The following MX1 variants were observed in gnomAD, a reference collection of about 807,000 sequenced individuals.
MX1 encodes MX dynamin like GTPase 1.
MX1 carries 66 observed loss-of-function variants against 66.4 expected under a neutral mutation model. The ratio of observed to expected loss-of-function variants is 0.99; its 90% CI spans 0.82 to 1.22. The LOEUF (loss-of-function observed/expected upper bound fraction) is 1.22, where lower values mean the gene tolerates loss of function less well. Among genes scored for constraint, MX1 ranks in the 50% most tolerant of loss-of-function variants. The pLI is 0.00. For synonymous variants in MX1, 311 were observed against 318.1 expected, an observed-to-expected ratio of 0.98 and a Z score of 0.24; for missense variants, 787 against 834.3, an observed-to-expected ratio of 0.94 and a Z score of 0.70.
At chr21:41,434,824 G>C (rs745395075) in intron 5 of MX1, among the ~76,000 whole-genome samples, 1 of 152,130 alleles carries the variant, frequency 6.6e-6, no homozygotes, top group Non-Finnish European at 1.5e-5. Flanking sequence ...AATAAAGATA[G>C]CAAAGGAATA....
At position 41,441,917 on chromosome 21, in the gene MX1, G is replaced by A. The variant is rs1489629341; in HGVS notation, c.929+3G>A. ...TTTGAGAACCACCCATATTTCAGGT[G>A]CGCTTGCCTGGGTTTCATCATGGAT... On this transcript the variant is annotated splice_donor_region_variant and intron_variant, in intron 10 of 16. Transcript: ENST00000398598. The surrounding 1 kb of genome is among the most constrained non-coding windows in gnomAD (Gnocchi z 4.0). 2 of 1,614,086 alleles carry A rather than the reference G, an allele frequency of 1.2e-6. No homozygotes were observed. The highest frequency in any genetic ancestry group is 1.6e-4 in the Middle Eastern group (1 of 6,062).
intron 13 of MX1, among the ~76,000 whole-genome samples, chr21:41,446,870 A>C (rs2090677717): frequency 6.6e-6 from 1 of 152,232 alleles, no homozygotes; most frequent in Admixed American, 6.5e-5. Context: ...TACCGTGGTA[A>C]ACCTGATACG....
Position 41,445,980 on chromosome 21 carries a change from G to A in MX1, c.1132-20G>A, listed in dbSNP as rs1568987663. 1 of 1,612,950 alleles carries A rather than the reference G, an allele frequency of 6.2e-7. No individual in the cohort carries two copies. Among genetic ancestry groups the A allele is most frequent in the Admixed American group, 1.7e-5 (1 of 59,982 alleles). ...GATTTGAAGTCTATCCACTTATACT[G>A]ATGTTTTTCTTCTTGACAGAAAGTT... is the stretch of plus-strand genomic sequence containing the variant. On this transcript the variant is annotated intron_variant, in intron 12 of 16. Transcript: ENST00000398598.
chr21:41,449,484 C>T, intron 14 of MX1, 189 bp downstream of exon 14: 2 of 543,966 alleles, frequency 3.7e-6, no homozygotes, highest in South Asian at 5.2e-5. Flanking sequence ...TACCCTCAGT[C>T]AGTGTGGACC....
Position 41,443,783 on chromosome 21 carries a change from T to G in MX1, c.930-5T>G, listed in dbSNP as rs1385865257. The G allele has an allele frequency of 1.9e-6, 3 of 1,614,164 alleles. No individual in the cohort carries two copies. The highest frequency in any genetic ancestry group is 2.5e-6 in the Non-Finnish European group (3 of 1,179,994). ...GGTGGAAATCGGTCCTGTGTTCTCT[T>G]CTAGGGATCTGCTGGAGGAAGGAAA... On this transcript the variant is annotated splice_region_variant and splice_polypyrimidine_tract_variant and intron_variant, in intron 10 of 16. Transcript: ENST00000398598.
intron 3 of MX1, chr21:41,429,994 G>A (rs1175988244): frequency 6.6e-6 from 1 of 152,158 alleles, no homozygotes; most frequent in Non-Finnish European, 1.5e-5. Context: ...TAAACCCGGG[G>A]AAGGGAGACA....
chr21:41,436,689 T>C (rs2090371881), intron 6 of MX1, among the ~76,000 whole-genome samples: 1 of 152,128 alleles, frequency 6.6e-6, no homozygotes, highest in Non-Finnish European at 1.5e-5. Context: ...TAATGGAAGA[T>C]GTTCGGATGA....
At chr21:41,440,265 G>A (rs113907629) in intron 8 of MX1, among the ~76,000 whole-genome samples, 15,382 of 152,208 alleles carry the variant, frequency 0.1, 1,398 homozygotes, top group African/African-American at 0.23. Context: ...TTGGGAGGCT[G>A]AGGCAGGAGG....
chr21:41,441,143 T>A lies in MX1; in HGVS notation c.730+118T>A. On this transcript the variant is annotated intron_variant, in intron 9 of 16. Transcript: ENST00000398598. The surrounding 1 kb of genome is among the most constrained non-coding windows in gnomAD (Gnocchi z 4.0). ...AATGGGGGAGCCCGCCTGTGCTCGG[T>A]GAGAATGGGGGAGCCCGCCTGTGCT... is the stretch of plus-strand genomic sequence containing the variant. 8.3e-7 allele frequency: 1 copy of A among 1,197,984 alleles called. No homozygotes were observed. The highest frequency in any genetic ancestry group is 2.5e-5 in the East Asian group (1 of 40,348). 74.2% of individuals were successfully genotyped at this position (1,197,984 alleles called of 1,614,324 possible).
chr21:41,456,231 G>A (rs1410652460), intron 16 of MX1, among the ~76,000 whole-genome samples: 4 of 152,174 alleles, frequency 2.6e-5, no homozygotes, highest in African/African-American at 4.8e-5. Flanking sequence ...GTGACAGAGC[G>A]AGACTCCATC....
intron 7 of MX1, among the ~76,000 whole-genome samples, chr21:41,438,752 G>A (rs569323889): frequency 2.0e-5 from 3 of 152,328 alleles, no homozygotes; most frequent in South Asian, 2.1e-4. Context: ...CTGAGACAGC[G>A]GTCTAAACAA....
chr21:41,430,298 A>G (rs539740751), intron 3 of MX1, among the ~76,000 whole-genome samples: 16 of 152,302 alleles, frequency 1.1e-4, no homozygotes, highest in African/African-American at 3.6e-4. Context: ...GCATCCTTAC[A>G]TATTATTGAT....
chr21:41,446,226 C>T lies in MX1; in HGVS notation c.1273+85C>T, dbSNP rs34461132. 2.4e-3 allele frequency: 3,040 copies of T among 1,246,838 alleles called. 43 individuals carry two copies. In the African/African-American group the frequency reaches 0.034, roughly 14 times the overall value. 77.2% of individuals were successfully genotyped at this position (1,246,838 alleles called of 1,614,324 possible). Reference sequence around the variant, plus strand: ...TTATAAACAGTAGAAACTTATTGCTCATTGTTCTGGAGGTGAGAAATCTAT... The same window carrying T: ...TTATAAACAGTAGAAACTTATTGCTTATTGTTCTGGAGGTGAGAAATCTAT... On this transcript the variant is annotated intron_variant, in intron 13 of 16. Coordinates refer to ENST00000398598, the MANE Select transcript of MX1 (RefSeq NM_002462.5).
upstream of MX1, among the ~76,000 whole-genome samples, chr21:41,425,851 A>T (rs1325097107): frequency 6.6e-6 from 1 of 152,118 alleles, no homozygotes; most frequent in Non-Finnish European, 1.5e-5. Context: ...TGGTGCTGGG[A>T]TCATCCCAGT....
At chr21:41,450,372 TACTC>T (rs958457927) in intron 14 of MX1, among the ~76,000 whole-genome samples, 2 of 152,208 alleles carry the variant, frequency 1.3e-5, no homozygotes, top group African/African-American at 4.8e-5. Flanking sequence ...ACAGTATCCT[TACTC>T]ACACTTCAGC....
At position 41,453,320 on chromosome 21, in the gene MX1, A is replaced by C. The variant is rs1457219168; in HGVS notation, c.1758+451A>C. Among the ~76,000 whole-genome samples the C allele has an allele frequency of 5.9e-5, 9 of 152,218 alleles. No individual in the cohort carries two copies. The East Asian group carries it at 1.7e-3, about 29-fold the overall frequency. On this transcript the variant is annotated intron_variant, in intron 16 of 16. Coordinates refer to ENST00000398598, the MANE Select transcript of MX1 (RefSeq NM_002462.5). The stretch of plus-strand genomic sequence containing the variant: ...CACAACAGGTGGGAATTATGGGAGT[A>C]CAATTCAAGATGAGATTTGGGTGGG...
At chr21:41,438,746 GA>G (rs1265672539) in intron 7 of MX1, among the ~76,000 whole-genome samples, 1 of 152,232 alleles carries the variant, frequency 6.6e-6, no homozygotes, top group Non-Finnish European at 1.5e-5. Flanking sequence ...AAGTTGCTGA[GA>G]CAGCGGTCTA....
In MX1 at chr21:41,451,250, C is replaced by G. The variant is rs771804878; in HGVS notation, c.1509+7C>G. The G allele has an allele frequency of 6.4e-7, 1 of 1,574,102 alleles. No individual in the cohort carries two copies. Among genetic ancestry groups the G allele is most frequent in the Non-Finnish European group, 8.7e-7 (1 of 1,147,780 alleles). On this transcript the variant is annotated splice_region_variant and intron_variant, in intron 15 of 16. Coordinates refer to ENST00000398598, the MANE Select transcript of MX1 (RefSeq NM_002462.5). Reference sequence around the variant, plus strand: ...CCTCCACAGAACCGCCAAGGTAAAACCAACCATGTGTTGTTTAAAAAAAAA... The same window carrying G: ...CCTCCACAGAACCGCCAAGGTAAAAGCAACCATGTGTTGTTTAAAAAAAAA...
chr21:41,433,558 A>G (rs1179445930), intron 5 of MX1, among the ~76,000 whole-genome samples: 1 of 152,252 alleles, frequency 6.6e-6, no homozygotes, highest in Non-Finnish European at 1.5e-5. Flanking sequence ...AGTTACAGGA[A>G]ATATACAAAA....
Sources: allele counts gnomAD v4.1 joint callset (sites outside exome capture counted in the v4.1 genomes callset), GRCh38; gene constraint gnomAD v4.1.1; non-coding constraint Gnocchi (gnomAD v3.1); transcripts MANE v1.5; gene names NCBI Gene and HGNC (gene_info 2026-07-23, HGNC 2026-07-21).